The following DYSF variants were observed in gnomAD, a reference collection of about 807,000 sequenced individuals.
The protein encoded by DYSF is dystrophy-associated fer-1-like 1.
DYSF carries 212 observed loss-of-function variants against 274.9 expected under a neutral mutation model. The observed-to-expected ratio is 0.77, with a 90% confidence interval of 0.69 to 0.86. DYSF has a LOEUF of 0.86. Ranked by LOEUF, DYSF falls within the 40% of genes least tolerant of loss-of-function variation. The probability of loss-of-function intolerance (pLI) is 0.00; values close to 1 mark genes in which losing one functional copy is unlikely to be tolerated. For synonymous variants in DYSF, 1,091 were observed against 1,078.7 expected (o/e 1.01, Z -0.22); for missense variants, 2,666 against 2,783.2 (o/e 0.96, Z 0.95).
At chr2:71,608,683 G>A (rs1558606009) in intron 36 of DYSF, among the ~76,000 whole-genome samples, 5 of 152,134 alleles carry the variant, frequency 3.3e-5, no homozygotes, top group Admixed American at 2.6e-4. Context: ...TCCTGAAGAT[G>A]CGGAGCCTGG....
In DYSF at chr2:71,535,093, A is replaced by G. The variant is rs2089174153; in HGVS notation, c.1449+4A>G. Reference sequence around the variant, plus strand: ...GAACATCACACTGCCTGCCATGGTGAGCCTCCTGCCCCCAGCAAACCCAAG... The same window carrying G: ...GAACATCACACTGCCTGCCATGGTGGGCCTCCTGCCCCCAGCAAACCCAAG... On this transcript the variant is annotated splice_donor_region_variant and intron_variant, in intron 15 of 55. Coordinates refer to ENST00000410020, the MANE Select transcript of DYSF (RefSeq NM_001130987.2). 1 of 1,614,016 alleles carries G rather than the reference A, an allele frequency of 6.2e-7. No homozygotes were observed. Among genetic ancestry groups the G allele is most frequent in the African/African-American group, 1.3e-5 (1 of 74,980 alleles).
Position 71,526,205 on chromosome 2 carries a change from T to C in DYSF, c.1150-15T>C. On this transcript the variant is annotated splice_polypyrimidine_tract_variant and intron_variant, in intron 12 of 55. Transcript: ENST00000410020. The stretch of plus-strand genomic sequence containing the variant: ...CAGGAGCGCATGAAGGAATCGTATT[T>C]GGTTTTCTTTGTAGCTGGAGAGAAA... 1 of 1,614,246 alleles carries C rather than the reference T, an allele frequency of 6.2e-7. No individual in the cohort carries two copies. The highest frequency in any genetic ancestry group is 1.1e-5 in the South Asian group (1 of 91,088).
chr2:71,595,694 A>G (rs369738183), intron 32 of DYSF, among the ~76,000 whole-genome samples: 51 of 152,186 alleles, frequency 3.4e-4, no homozygotes, highest in African/African-American at 1.2e-3. Context: ...GCAGTGAGGT[A>G]GAATCCTTGT....
At chr2:71,543,861 G>A (rs2090209018) in intron 17 of DYSF, among the ~76,000 whole-genome samples, 1 of 148,290 alleles carries the variant, frequency 6.7e-6, no homozygotes, top group Non-Finnish European at 1.5e-5. Context: ...GGAAAGAGAG[G>A]GAGAGGGAGA....
In DYSF at chr2:71,568,169, C is replaced by T. The variant is rs2092221987; in HGVS notation, c.2698-3C>T. 2 of 1,614,244 alleles carry T rather than the reference C, an allele frequency of 1.2e-6. No individual in the cohort carries two copies. The highest frequency in any genetic ancestry group is 1.7e-6 in the Non-Finnish European group (2 of 1,180,044). The stretch of plus-strand genomic sequence containing the variant: ...TCACGCCTCATTCTTCCTGGCCCTC[C>T]AGTATGAGAACGAGACTAAGTTGGC... On this transcript the variant is annotated splice_region_variant and splice_polypyrimidine_tract_variant and intron_variant, in intron 25 of 55. Transcript: ENST00000410020.
intron 23 of DYSF, among the ~76,000 whole-genome samples, chr2:71,563,345 A>G (rs978065898): frequency 3.3e-5 from 5 of 152,214 alleles, no homozygotes; most frequent in African/African-American, 9.7e-5. Context: ...CTGCAGGAGC[A>G]TCAGCTCAGC....
chr2:71,637,482 G>C (rs1373074475), intron 41 of DYSF, among the ~76,000 whole-genome samples: 1 of 152,166 alleles, frequency 6.6e-6, no homozygotes, highest in Admixed American at 6.5e-5. Context: ...GGAGGTGCTA[G>C]AGGGCTGGGG....
Position 71,544,373 on chromosome 2 carries a change from T to G in DYSF, c.1576+5134T>G, listed in dbSNP as rs1036980541. Among the ~76,000 whole-genome samples the G allele has an allele frequency of 3.9e-5, 6 of 152,152 alleles. No individual in the cohort carries two copies. The East Asian group carries it at 1.2e-3, about 29-fold the overall frequency. On this transcript the variant is annotated intron_variant, in intron 17 of 55. Transcript: ENST00000410020. ...CCAGTGCTCTTGAAGCTGGAGATCG[T>G]CTCCAGATTCTAGATCTGTAGGAGA...
At chr2:71,454,717 C>T (rs2080981395) in intron 1 of DYSF, among the ~76,000 whole-genome samples, 1 of 152,170 alleles carries the variant, frequency 6.6e-6, no homozygotes, top group South Asian at 2.1e-4. Flanking sequence ...GAGCGGGGGT[C>T]GTATCTGCTT....
chr2:71,632,548 T>A (rs1398284802), intron 41 of DYSF, among the ~76,000 whole-genome samples: 2 of 152,170 alleles, frequency 1.3e-5, no homozygotes, highest in Non-Finnish European at 2.9e-5. Flanking sequence ...TAGTTGTAAC[T>A]CTTGTTAAGC....
chr2:71,549,303 C>G, intron 17 of DYSF: 1 of 1,594,532 alleles, frequency 6.3e-7, no homozygotes, highest in Non-Finnish European at 8.6e-7. Flanking sequence ...CCGTCCTTCT[C>G]CCAGCCATGC....
chr2:71,605,011 G>A (rs2093620906), intron 36 of DYSF, among the ~76,000 whole-genome samples: 1 of 152,118 alleles, frequency 6.6e-6, no homozygotes, highest in Non-Finnish European at 1.5e-5. Flanking sequence ...TGCAGCTCTT[G>A]GTCAGGAAGT....
intron 43 of DYSF, among the ~76,000 whole-genome samples, chr2:71,657,428 T>G (rs917669239): frequency 6.6e-6 from 1 of 152,204 alleles, no homozygotes; most frequent in Admixed American, 6.5e-5. Flanking sequence ...TTTACCATTC[T>G]AGGGTCTGGA....
At position 71,632,208 on chromosome 2, in the gene DYSF, C is replaced by T. The variant is rs6753136; in HGVS notation, c.4527+11599C>T. Reference sequence around the variant, plus strand: ...AAATAGTGCTTGGAAGTTGGTACAGCGCTAGCTGCTGAGCACAAGACTCCC... The same window carrying T: ...AAATAGTGCTTGGAAGTTGGTACAGTGCTAGCTGCTGAGCACAAGACTCCC... On this transcript the variant is annotated intron_variant, in intron 41 of 55. Transcript: ENST00000410020. 5.0e-3 allele frequency among the ~76,000 whole-genome samples: 754 copies of T among 152,286 alleles called. 7 individuals are homozygous for T. Among genetic ancestry groups the T allele is most frequent in the African/African-American group, 0.017 (695 of 41,556 alleles).
intron 1 of DYSF, chr2:71,454,127 G>A (rs1031426246): frequency 1.9e-6 from 3 of 1,586,794 alleles, no homozygotes; most frequent in Non-Finnish European, 2.6e-6. Flanking sequence ...TCGGGGTGGG[G>A]TAGAGGAGGG....
intron 45 of DYSF, among the ~76,000 whole-genome samples, chr2:71,661,424 TC>T (rs2094879826): frequency 6.6e-6 from 1 of 152,164 alleles, no homozygotes; most frequent in Non-Finnish European, 1.5e-5. Flanking sequence ...TTTCATGTTT[TC>T]CCACTAATGT....
chr2:71,613,972 C>T (rs377278267), intron 40 of DYSF, among the ~76,000 whole-genome samples: 2 of 152,166 alleles, frequency 1.3e-5, no homozygotes, highest in East Asian at 3.9e-4. Flanking sequence ...CTAAGGTCTC[C>T]AGCCCTGGGG....
Position 71,454,002 on chromosome 2 carries a change from C to T in DYSF, c.4C>T (p.Leu2=), listed in dbSNP as rs772536111. The change falls in exon 1 of 55, where the codon CTG becomes TTG. Residue 2 remains leucine, a synonymous_variant. Coordinates refer to the DYSF transcript ENST00000258104. ...CGGGGCCCTACACGCGCCAAGCATG[C>T]TGAGGGTCTTCATCCTCTATGCCGA... 6.2e-7 allele frequency: 1 copy of T among 1,614,190 alleles called. No individual in the cohort carries two copies. Among genetic ancestry groups the T allele is most frequent in the Non-Finnish European group, 8.5e-7 (1 of 1,180,024 alleles).
chr2:71,459,703 C>T (rs1049269801), intron 1 of DYSF, among the ~76,000 whole-genome samples: 4 of 152,164 alleles, frequency 2.6e-5, no homozygotes, highest in Non-Finnish European at 5.9e-5. Context: ...TCCCAGAGAA[C>T]ACCAGTGACC....
Sources: allele counts gnomAD v4.1 joint callset (sites outside exome capture counted in the v4.1 genomes callset), GRCh38; gene constraint gnomAD v4.1.1; transcripts MANE v1.5; gene names NCBI Gene and HGNC (gene_info 2026-07-23, HGNC 2026-07-21).